Variants in CBFB observed in about 807,000 individuals in gnomAD.
The protein encoded by CBFB is CBF-beta.
Under a neutral mutation model 30.4 loss-of-function variants are expected in CBFB, and 9 were observed. The observed-to-expected ratio is 0.30, with a 90% confidence interval of 0.18 to 0.52. The LOEUF (loss-of-function observed/expected upper bound fraction) is 0.52. CBFB is among the 20% of genes least tolerant of loss of function. The pLI, the probability that CBFB is intolerant of heterozygous loss-of-function variation, is 0.97. For synonymous variants in CBFB, 94 were observed against 84.0 expected (o/e 1.12, Z -0.65); for missense variants, 170 against 244.0 (o/e 0.70, Z 2.02).
In CBFB at chr16:67,043,577, C is replaced by A. The variant is rs148632549; in HGVS notation, c.282+6822C>A. On this transcript the variant is annotated intron_variant, in intron 3 of 5. Coordinates refer to ENST00000412916, the MANE Select transcript of CBFB (RefSeq NM_022845.3). ...GTCTACATTGGCTCTTAATAAGGAT[C>A]TTTCTCAGAAATGATTTAAACTAAT... Among the ~76,000 whole-genome samples, 812 of 152,270 alleles carry A rather than the reference C, an allele frequency of 5.3e-3. 3 individuals carry two copies. The highest frequency in any genetic ancestry group is 0.018 in the African/African-American group (756 of 41,544).
At chr16:67,089,828 C>G (rs377627725) in intron 5 of CBFB, among the ~76,000 whole-genome samples, 2 of 152,150 alleles carry the variant, frequency 1.3e-5, no homozygotes, top group South Asian at 4.1e-4. Flanking sequence ...TGAGCCTCAT[C>G]AGTAAAAACT....
intron 1 of CBFB, 109 bp downstream of exon 1, chr16:67,029,594 C>T (rs563474677): frequency 1.5e-6 from 2 of 1,322,628 alleles, no homozygotes; most frequent in Admixed American, 2.5e-5. Flanking sequence ...GGTGCGCCCG[C>T]GGAGGGGCAA....
chr16:67,058,639 T>G (rs1262588601), intron 3 of CBFB, among the ~76,000 whole-genome samples: 1 of 152,188 alleles, frequency 6.6e-6, no homozygotes, highest in Non-Finnish European at 1.5e-5. Context: ...GGTGGATCTT[T>G]TCAAATGGAA....
Position 67,082,223 on chromosome 16 carries a change from C to T in CBFB, c.410C>T (p.Ala137Val), listed in dbSNP as rs2145771449. 6.3e-7 allele frequency: 1 copy of T among 1,597,842 alleles called. No homozygotes were observed. The highest frequency in any genetic ancestry group is 8.6e-7 in the Non-Finnish European group (1 of 1,169,278). The change falls in exon 5 of 6, where the codon GCA becomes GTA. Residue 137 changes from alanine to valine, a missense_variant. Transcript: ENST00000412916. Reference sequence around the variant, plus strand: ...CATGTATTCTGACAGCAGGAGGATGCATTAGCACAACAGGCCTTTGAAGAG... The same window carrying T: ...CATGTATTCTGACAGCAGGAGGATGTATTAGCACAACAGGCCTTTGAAGAG... Reference protein sequence around the residue: ...FDEERAQQEDALAQQAFEEAR... With the variant: ...FDEERAQQEDVLAQQAFEEAR...
chr16:67,049,673 G>A (rs1246546067), intron 3 of CBFB, among the ~76,000 whole-genome samples: 1 of 151,952 alleles, frequency 6.6e-6, no homozygotes, highest in Non-Finnish European at 1.5e-5. Flanking sequence ...TTTTTGTAGA[G>A]ATGGGGTCTC....
chr16:67,070,762 G>A lies in CBFB; in HGVS notation c.399+3964G>A, dbSNP rs143393398. 2.9e-3 allele frequency among the ~76,000 whole-genome samples: 437 copies of A among 152,032 alleles called. 23 individuals carry two copies. In the East Asian group the frequency reaches 0.071, roughly 25 times the overall value. ...GCTACTCAGGAAGCTGAGGTGGGAT[G>A]ATTGCTTGAACCCAGGAGGCTGAGA... On this transcript the variant is annotated intron_variant, in intron 4 of 5. Transcript: ENST00000412916.
chr16:67,034,617 A>G (rs1172070575), intron 2 of CBFB, among the ~76,000 whole-genome samples: 4 of 152,216 alleles, frequency 2.6e-5, no homozygotes, highest in Non-Finnish European at 5.9e-5. Context: ...ATAGTGATGA[A>G]GCAGGAAATC....
intron 5 of CBFB, among the ~76,000 whole-genome samples, chr16:67,089,855 C>A (rs1961834011): frequency 6.6e-6 from 1 of 152,210 alleles, no homozygotes; most frequent in Non-Finnish European, 1.5e-5. Context: ...CAGGTTGTTG[C>A]AGAGCTCAGT....
chr16:67,048,755 A>G (rs1003145142), intron 3 of CBFB, among the ~76,000 whole-genome samples: 3 of 144,980 alleles, frequency 2.1e-5, no homozygotes, highest in Non-Finnish European at 3.0e-5. Flanking sequence ...GGTTTTCACC[A>G]TGTTAGCCAG....
chr16:67,055,397 C>G (rs1460944361), intron 3 of CBFB, among the ~76,000 whole-genome samples: 1 of 107,596 alleles, frequency 9.3e-6, no homozygotes, highest in Non-Finnish European at 1.7e-5. Context: ...GACGGAGTCT[C>G]GCTCTGTCGC....
intron 5 of CBFB, among the ~76,000 whole-genome samples, chr16:67,091,882 TTGTTTTTTGAGGCAGAGTTTCGCC>T (rs1257802628): frequency 6.6e-6 from 1 of 152,200 alleles, no homozygotes; most frequent in Non-Finnish European, 1.5e-5. Context: ...GTTTGTTTGT[TTGTTTTTTGAGGCAGAGTTTCGCC>T]TTTGTTGCCC....
chr16:67,049,433 C>T (rs1342892965), intron 3 of CBFB, among the ~76,000 whole-genome samples: 1 of 151,794 alleles, frequency 6.6e-6, no homozygotes, highest in African/African-American at 2.4e-5. Flanking sequence ...AACTCCTGAC[C>T]TCAGGTGATC....
chr16:67,095,826 G>A lies in CBFB; in HGVS notation c.496-2884G>A, dbSNP rs529282394. On this transcript the variant is annotated intron_variant, in intron 5 of 5. Coordinates refer to ENST00000412916, the MANE Select transcript of CBFB (RefSeq NM_022845.3). ...TCCTGCCTCAGACTCCCGAGTATCT[G>A]GGAATACAGGCGCATGCCACCACAC... Among the ~76,000 whole-genome samples, 38 of 151,724 alleles carry A rather than the reference G, an allele frequency of 2.5e-4. 1 individual carries two copies. Among genetic ancestry groups the A allele is most frequent in the African/African-American group, 8.0e-4 (33 of 41,436 alleles).
At chr16:67,087,015 GACAA>G (rs1441223897) in intron 5 of CBFB, among the ~76,000 whole-genome samples, 2 of 152,044 alleles carry the variant, frequency 1.3e-5, no homozygotes, top group Non-Finnish European at 2.9e-5. Flanking sequence ...TTCTGGGCAG[GACAA>G]ACAGTGTATG....
chr16:67,075,147 G>A (rs1257286299), intron 4 of CBFB, among the ~76,000 whole-genome samples: 4 of 151,544 alleles, frequency 2.6e-5, no homozygotes, highest in Admixed American at 1.3e-4. Flanking sequence ...CCGAGATCAC[G>A]TCACTGCACT....
chr16:67,029,702 G>T, intron 1 of CBFB, 25 bp from the exon 2 acceptor site: 1 of 1,573,950 alleles, frequency 6.4e-7, no homozygotes. Flanking sequence ...TTTGGCTCCT[G>T]ATTTCGGGCC....
intron 3 of CBFB, among the ~76,000 whole-genome samples, chr16:67,055,714 C>T (rs376164056): frequency 2.0e-4 from 30 of 152,104 alleles, no homozygotes; most frequent in South Asian, 6.2e-4. Flanking sequence ...GTAAGATGAT[C>T]GGTAAATTAC....
At chr16:67,066,064 C>G (rs1191520530) in intron 3 of CBFB, among the ~76,000 whole-genome samples, 2 of 151,222 alleles carry the variant, frequency 1.3e-5, no homozygotes, top group African/African-American at 4.9e-5. Flanking sequence ...CTCTGGCTAA[C>G]AAGACAAAAA....
chr16:67,071,189 G>A (rs75053120), intron 4 of CBFB, among the ~76,000 whole-genome samples: 12 of 152,294 alleles, frequency 7.9e-5, no homozygotes, highest in African/African-American at 2.2e-4. Flanking sequence ...GTAGATGCTA[G>A]GGGCAGGAGT....
Sources: gnomAD v4.1 joint callset for allele counts (sites outside exome capture counted in the v4.1 genomes callset) on GRCh38, gnomAD v4.1.1 for gene constraint, MANE v1.5 for transcripts, NCBI Gene and HGNC (gene_info 2026-07-23, HGNC 2026-07-21) for gene names.